The following NEFM variants were observed in gnomAD, a reference collection of about 807,000 sequenced individuals.
The protein encoded by NEFM is neurofilament medium chain.
A neutral mutation model predicts 48.1 loss-of-function variants in NEFM; 16 were observed. The ratio of observed to expected loss-of-function variants is 0.33; its 90% CI spans 0.23 to 0.51. NEFM has a LOEUF of 0.51. NEFM is among the 20% of genes least tolerant of loss of function. The pLI, the probability that NEFM is intolerant of heterozygous loss-of-function variation, is 0.98. For missense variants in NEFM, 1,107 were observed against 1,136.0 expected (o/e 0.97, Z 0.37); for synonymous variants, 465 against 456.9 (o/e 1.02, Z -0.23).
At chr8:24,914,971 C>G in intron 1 of NEFM, 98 bp downstream of exon 1, 1 of 1,430,082 alleles carries the variant, frequency 7.0e-7, no homozygotes, top group Non-Finnish European at 9.0e-7. Flanking sequence ...GCCGCGCTCC[C>G]TGGTGGCCGC....
At position 24,913,907 on chromosome 8, in the gene NEFM, G is replaced by A. The variant is rs1354352797; in HGVS notation, c.114G>A (p.Gln38=). ...CCCCGTCCAGTGGCTTCCGCTCGCA[G>A]TCGTGGTCCCGCGGCTCGCCCAGCA... The part of the protein sequence containing the change: ...SGSPSSGFRS[Q]SWSRGSPSTV... The change falls in exon 1 of 3, where the codon CAG becomes CAA. Residue 38 remains glutamine (Q), a synonymous_variant. Coordinates refer to ENST00000221166, the MANE Select transcript of NEFM (RefSeq NM_005382.2). 1.2e-6 allele frequency: 2 copies of A among 1,611,080 alleles called. No individual in the cohort carries two copies. The highest frequency in any genetic ancestry group is 1.3e-5 in the African/African-American group (1 of 74,928).
At chr8:24,915,145 G>T (rs28558778) in intron 1 of NEFM, 3 of 1,340,956 alleles carry the variant, frequency 2.2e-6, no homozygotes, top group Non-Finnish European at 2.9e-6. Context: ...ACGCTTGCAC[G>T]TTTAAAGCAG....
chr8:24,914,923 G>GC (rs1563242370), intron 1 of NEFM, 50 bp downstream of exon 1: 1 of 1,536,850 alleles, frequency 6.5e-7, no homozygotes, highest in Non-Finnish European at 8.7e-7. Flanking sequence ...AGCGCCGCGC[G>GC]CCCCCGACAC....
chr8:24,915,408 T>C, intron 1 of NEFM, 197 bp from the exon 2 acceptor site: 1 of 1,070,626 alleles, frequency 9.3e-7, no homozygotes, highest in Non-Finnish European at 1.3e-6. Flanking sequence ...CTTACTGATC[T>C]TGTATGTTCA....
In NEFM at chr8:24,914,599, C is replaced by A. The variant is rs758871585; in HGVS notation, c.806C>A (p.Ala269Glu). The A allele has an allele frequency of 6.2e-7, 1 of 1,614,186 alleles. No individual in the cohort carries two copies. The highest frequency in any genetic ancestry group is 8.5e-7 in the Non-Finnish European group (1 of 1,180,030). The change falls in exon 1 of 3, where the codon GCG becomes GAG. Residue 269 changes from alanine to glutamate, a missense_variant. Transcript: ENST00000221166. ...TACCTGAAGACAGACATCTCGACGG[C>A]GCTGAAGGAAATCCGCTCCCAGCTC... ...KDYLKTDIST[A>E]LKEIRSQLES...
rs1390281080 is a variant in NEFM, at chr8:24,914,147, G to A, written c.354G>A (p.Lys118=). Residue 118 remains lysine (K), a synonymous_variant, in exon 1 of 3, where the codon AAG becomes AAA. Transcript: ENST00000221166. ...LNDRFAGYIE[K]VHYLEQQNKE... is the part of the protein sequence containing the mutation. Reference sequence around the variant, plus strand: ...ACCGCTTTGCCGGCTACATAGAGAAGGTGCACTACCTGGAGCAGCAGAATA... The same window carrying A: ...ACCGCTTTGCCGGCTACATAGAGAAAGTGCACTACCTGGAGCAGCAGAATA... 10 of 1,612,874 alleles carry A rather than the reference G, an allele frequency of 6.2e-6. No homozygotes were observed. The highest frequency in any genetic ancestry group is 1.3e-5 in the African/African-American group (1 of 74,944).
In NEFM at chr8:24,914,666, G is replaced by A. The variant is rs776903774; in HGVS notation, c.873G>A (p.Trp291Ter). 5 of 1,614,206 alleles carry A rather than the reference G, an allele frequency of 3.1e-6. No individual in the cohort carries two copies. Among genetic ancestry groups the A allele is most frequent in the Non-Finnish European group, 4.2e-6 (5 of 1,180,046 alleles). The change falls in exon 1 of 3, where the codon TGG (tryptophan) becomes TGA (stop). Residue 291 changes from tryptophan to a stop codon, truncating the protein, a stop_gained. Transcript: ENST00000221166. LOFTEE classifies it high-confidence loss of function. The stretch of plus-strand genomic sequence containing the variant: ...AGAATATGCACCAGGCCGAAGAGTG[G>A]TTCAAATGCCGCTACGCCAAGCTCA... ...SDQNMHQAEE[W>*]FKCRYAKLTE...
Position 24,917,659 on chromosome 8 carries a change from G to A in NEFM, c.1804G>A (p.Val602Met), listed in dbSNP as rs1802597969. The change falls in exon 3 of 3, where the codon GTG becomes ATG. Residue 602 changes from valine (V) to methionine (M), a missense_variant. Val to Met is a conservative substitution (Grantham distance 21). Transcript: ENST00000221166. ...SEEVATKEEL[V>M]ADAKVEKPEK... ...GGAAGTGGCTACCAAGGAGGAGCTG[G>A]TGGCAGATGCCAAGGTGGAAAAGCC... 8 of 1,613,344 alleles carry A rather than the reference G, an allele frequency of 5.0e-6. No individual in the cohort carries two copies. Among genetic ancestry groups the A allele is most frequent in the Non-Finnish European group, 6.8e-6 (8 of 1,180,036 alleles).
chr8:24,917,149 A>G lies in NEFM; in HGVS notation c.1294A>G (p.Ile432Val). ...PLYTHRPPIT[I>V]SSKIQKPKVE... is the part of the protein sequence containing the mutation. ...GTATACACACCGACCCCCAATCACA[A>G]TATCCAGTAAGATTCAGAAACCCAA... The change falls in exon 3 of 3, where the codon ATA becomes GTA. Residue 432 changes from isoleucine (I) to valine (V), a missense_variant. Coordinates refer to ENST00000221166, the MANE Select transcript of NEFM (RefSeq NM_005382.2). 6.2e-7 allele frequency: 1 copy of G among 1,614,180 alleles called. No individual in the cohort carries two copies. The highest frequency in any genetic ancestry group is 8.5e-7 in the Non-Finnish European group (1 of 1,180,032).
intron 2 of NEFM, among the ~76,000 whole-genome samples, chr8:24,916,157 T>G (rs1205903531): frequency 6.6e-6 from 1 of 152,222 alleles, no homozygotes; most frequent in Non-Finnish European, 1.5e-5. Flanking sequence ...TAGCTTACTA[T>G]TGCCATCATC....
rs368164893 is a variant in NEFM at position 24,918,111 on chromosome 8, G to T, written c.2256G>T (p.Ser752=). 65 of 1,551,714 alleles carry T rather than the reference G, an allele frequency of 4.2e-5. No individual in the cohort carries two copies. Among genetic ancestry groups the T allele is most frequent in the Non-Finnish European group, 5.3e-5 (61 of 1,147,074 alleles). Residue 752 remains serine (S), a synonymous_variant, in exon 3 of 3, where the codon TCG becomes TCT. Transcript: ENST00000221166. ...AVAEVVTITK[S]VKVHLEKETK... The stretch of plus-strand genomic sequence containing the variant: ...CAGAGGTGGTCACCATCACCAAATC[G>T]GTAAAGGTGCACTTGGAGAAAGAGA...
chr8:24,916,915 C>T (rs1170554459), intron 2 of NEFM, 146 bp from the exon 3 acceptor site: 5 of 759,168 alleles, frequency 6.6e-6, no homozygotes, highest in Non-Finnish European at 9.3e-6. Flanking sequence ...TAAGTGATAG[C>T]AGGTATTATA....
Position 24,917,356 on chromosome 8 carries a change from G to T in NEFM, c.1501G>T (p.Ala501Ser), listed in dbSNP as rs146221504. The T allele has an allele frequency of 6.2e-7, 1 of 1,603,938 alleles. No homozygotes were observed. Among genetic ancestry groups the T allele is most frequent in the Non-Finnish European group, 8.5e-7 (1 of 1,174,598 alleles). Residue 501 changes from alanine (A) to serine (S), a missense_variant, in exon 3 of 3, where the codon GCT becomes TCT. Transcript: ENST00000221166. Reference sequence around the variant, plus strand: ...AGAAGAAAAGGAAGAGGAACCCGAAGCTGAAGAAGAAGAAGTAGCTGCCAA... The same window carrying T: ...AGAAGAAAAGGAAGAGGAACCCGAATCTGAAGAAGAAGAAGTAGCTGCCAA... The part of the protein sequence containing the change: ...AAEEKEEEPE[A>S]EEEEVAAKKS...
Position 24,914,642 on chromosome 8 carries a change from G to T in NEFM, c.849G>T (p.Gln283His). The T allele has an allele frequency of 6.2e-7, 1 of 1,614,218 alleles. No individual in the cohort carries two copies. The highest frequency in any genetic ancestry group is 8.5e-7 in the Non-Finnish European group (1 of 1,180,052). The change falls in exon 1 of 3, where the codon CAG becomes CAT. Residue 283 changes from glutamine to histidine, a missense_variant. Gln to His is a conservative substitution (Grantham distance 24). Coordinates refer to ENST00000221166, the MANE Select transcript of NEFM (RefSeq NM_005382.2). ...IRSQLESHSDQNMHQAEEWFK... is the reference protein window; with the variant it reads ...IRSQLESHSDHNMHQAEEWFK... Reference sequence around the variant, plus strand: ...CCCAGCTCGAAAGCCACTCAGACCAGAATATGCACCAGGCCGAAGAGTGGT... The same window carrying T: ...CCCAGCTCGAAAGCCACTCAGACCATAATATGCACCAGGCCGAAGAGTGGT...
At position 24,914,512 on chromosome 8, in the gene NEFM, A is replaced by T; in HGVS notation, c.719A>T (p.Glu240Val). Residue 240 changes from glutamate to valine, a missense_variant, in exon 1 of 3, where the codon GAG becomes GTG. By Grantham distance (121) the Glu-to-Val change is moderately radical. Transcript: ENST00000221166. ...EVAFLRSNHE[E>V]EVADLLAQIQ... ...GCCTTCCTGCGGAGCAACCACGAGG[A>T]GGAGGTGGCCGACCTTCTGGCCCAG... 3 of 1,614,048 alleles carry T rather than the reference A, an allele frequency of 1.9e-6. No individual in the cohort carries two copies. Among genetic ancestry groups the T allele is most frequent in the Non-Finnish European group, 2.5e-6 (3 of 1,180,028 alleles).
rs746387836 is a variant in NEFM at position 24,917,452 on chromosome 8, CAGGAAGAAGAGG to C, written c.1608_1619del (p.Glu536_Glu539del). On this transcript the variant is annotated inframe_deletion, in exon 3 of 3. Transcript: ENST00000221166. Reference sequence around the variant, plus strand: ...AGGGGAAAAGGAGGAAGAAGAAGGCCAGGAAGAAGAGGAGGAAGAAGATGAGGGAGCTAAGTC... The same window carrying C: ...AGGGGAAAAGGAGGAAGAAGAAGGCCAGGAAGAAGATGAGGGAGCTAAGTC... The C allele has an allele frequency of 1.3e-6, 2 of 1,555,388 alleles. No individual in the cohort carries two copies. The highest frequency in any genetic ancestry group is 1.2e-5 in the South Asian group (1 of 84,498).
intron 1 of NEFM, 127 bp downstream of exon 1, chr8:24,915,000 C>G: frequency 7.1e-7 from 1 of 1,413,760 alleles, no homozygotes; most frequent in Non-Finnish European, 9.1e-7. Context: ...GCACGCGCGC[C>G]GCAGACCTAG....
intron 2 of NEFM, among the ~76,000 whole-genome samples, chr8:24,915,935 T>C (rs987994919): frequency 6.6e-6 from 1 of 152,232 alleles, no homozygotes; most frequent in Middle Eastern, 3.2e-3. Flanking sequence ...GAATGAATAC[T>C]AGTAGAAACA....
In NEFM at chr8:24,918,233, A is replaced by C; in HGVS notation, c.2378A>C (p.Lys793Thr). 1 of 1,565,600 alleles carries C rather than the reference A, an allele frequency of 6.4e-7. No homozygotes were observed. The highest frequency in any genetic ancestry group is 2.4e-5 in the East Asian group (1 of 41,840). Residue 793 changes from lysine (K) to threonine (T), a missense_variant, in exon 3 of 3, where the codon AAG becomes ACG. Lys to Thr is a moderately conservative substitution (Grantham distance 78, BLOSUM62 -1). Coordinates refer to ENST00000221166, the MANE Select transcript of NEFM (RefSeq NM_005382.2). ...GAGGAAGGGAGTGATAAAGGTGCCA[A>C]GGGATCCAGGAAGGAAGACATAGCT... ...SEEEGSDKGA[K>T]GSRKEDIAVN...
Sources: gnomAD v4.1 joint callset for allele counts (sites outside exome capture counted in the v4.1 genomes callset) on GRCh38, gnomAD v4.1.1 for gene constraint, MANE v1.5 for transcripts, NCBI Gene and HGNC (gene_info 2026-07-23, HGNC 2026-07-21) for gene names.